SF3A1: variants seen among roughly 807,000 people sequenced by gnomAD.
The protein encoded by SF3A1 is splicing factor 3a subunit 1.
In SF3A1, 13 loss-of-function variants were observed where a neutral mutation model predicts 89.9. The ratio of observed to expected loss-of-function variants is 0.14; its 90% CI spans 0.09 to 0.23. The LOEUF (loss-of-function observed/expected upper bound fraction) is 0.23. Ranked by LOEUF, SF3A1 falls within the 10% of genes least tolerant of loss-of-function variation. SF3A1 has a pLI of 1.00. For missense variants in SF3A1, 604 were observed against 1,022.1 expected (o/e 0.59, Z 5.58); for synonymous variants, 405 against 374.4 (o/e 1.08, Z -0.94).
intron 9 of SF3A1, among the ~76,000 whole-genome samples, chr22:30,339,577 G>A (rs548774124): frequency 1.2e-3 from 182 of 152,238 alleles, no homozygotes; most frequent in Middle Eastern, 3.4e-3. Context: ...CCAACATAGC[G>A]AAACCCCGTC....
In SF3A1 at chr22:30,342,252, G is replaced by A; in HGVS notation, c.825C>T (p.Asp275=). 6.2e-7 allele frequency: 1 copy of A among 1,614,202 alleles called. No homozygotes were observed. The highest frequency in any genetic ancestry group is 8.5e-7 in the Non-Finnish European group (1 of 1,180,046). The stretch of plus-strand genomic sequence containing the variant: ...TTTCCACCACCACAAAATCATGCCA[G>A]TCGATCTGAGCATAGGCCACCCGCT... ...EKERVAYAQI[D]WHDFVVVETV... Residue 275 remains aspartate, a synonymous_variant, in exon 6 of 16, where the codon GAC becomes GAT. Coordinates refer to ENST00000215793, the MANE Select transcript of SF3A1 (RefSeq NM_005877.6).
In SF3A1 at chr22:30,342,871, A is replaced by G; in HGVS notation, c.660T>C (p.Ile220=). 1.2e-6 allele frequency: 2 copies of G among 1,610,864 alleles called. No individual in the cohort carries two copies. Among genetic ancestry groups the G allele is most frequent in the Non-Finnish European group, 1.7e-6 (2 of 1,177,546 alleles). Reference sequence around the variant, plus strand: ...GCTTTGAAAATAAACCTTTGGGTGGAATCAAGATCTGAAATACAGAAGAGT... The same window carrying G: ...GCTTTGAAAATAAACCTTTGGGTGGGATCAAGATCTGAAATACAGAAGAGT... ...KLVEQYTKIL[I]PPKGLFSKLK... The change falls in exon 5 of 16, where the codon ATT becomes ATC. Residue 220 remains isoleucine, a synonymous_variant. Transcript: ENST00000215793.
chr22:30,337,620 G>A, intron 12 of SF3A1, 70 bp downstream of exon 12: 1 of 797,872 alleles, frequency 1.3e-6, no homozygotes. Context: ...ATCAGCCACT[G>A]CTCTGCTGAC....
intron 1 of SF3A1, among the ~76,000 whole-genome samples, chr22:30,354,575 C>A (rs1021853013): frequency 5.3e-5 from 8 of 152,132 alleles, no homozygotes; most frequent in Non-Finnish European, 8.8e-5. Flanking sequence ...CTTCCCCTTC[C>A]GCCTCTAGAC....
rs891943669 is a variant in SF3A1 at position 30,333,754 on chromosome 22, G to A, written c.*840C>T. 2.0e-5 allele frequency: 3 copies of A among 152,228 alleles called. No individual in the cohort carries two copies. Among genetic ancestry groups the A allele is most frequent in the Non-Finnish European group, 2.9e-5 (2 of 68,048 alleles). 9.4% of individuals were successfully genotyped at this position (152,228 alleles called of 1,614,324 possible). On this transcript the variant is annotated 3_prime_UTR_variant, in exon 16 of 16. Transcript: ENST00000215793. ...AAACTTTATCAAATCCTTGGTACAT[G>A]ACCTTAATACAATTAAGTATTTGTT...
At chr22:30,349,666 C>CTTTT (rs58624811) in intron 2 of SF3A1, among the ~76,000 whole-genome samples, 1 of 138,940 alleles carries the variant, frequency 7.2e-6, no homozygotes, top group Non-Finnish European at 1.6e-5. Context: ...TTTTTTCTTT[C>CTTTT]TTTTTTTTTT....
At chr22:30,334,820 G>C (rs1404333532) in intron 15 of SF3A1, 125 bp from the exon 16 acceptor site, 4 of 646,598 alleles carry the variant, frequency 6.2e-6, no homozygotes, top group Non-Finnish European at 1.1e-5. Flanking sequence ...CTTGTGAGAA[G>C]GTAGGGTGTT....
chr22:30,355,905 T>C (rs748216042), intron 1 of SF3A1, among the ~76,000 whole-genome samples: 2 of 146,704 alleles, frequency 1.4e-5, no homozygotes, highest in Non-Finnish European at 3.0e-5. Flanking sequence ...AGGATGCTAT[T>C]TCCCTTCCCT....
At chr22:30,347,509 G>A (rs1931456286) in intron 2 of SF3A1, among the ~76,000 whole-genome samples, 1 of 152,078 alleles carries the variant, frequency 6.6e-6, no homozygotes, top group Admixed American at 6.5e-5. Flanking sequence ...ACCTGGGATG[G>A]TTCCCCAGAT....
At chr22:30,351,681 G>A (rs976864605) in intron 2 of SF3A1, among the ~76,000 whole-genome samples, 5 of 152,054 alleles carry the variant, frequency 3.3e-5, no homozygotes, top group African/African-American at 1.2e-4. Flanking sequence ...TTTATTTTTT[G>A]TAGACAGGGT....
rs534545694 is a variant in SF3A1 at position 30,349,827 on chromosome 22, A to T, written c.185+3124T>A. Among the ~76,000 whole-genome samples, 9 of 151,606 alleles carry T rather than the reference A, an allele frequency of 5.9e-5. No individual in the cohort carries two copies. The East Asian group carries it at 1.8e-3, about 30-fold the overall frequency. ...CCCAGCTAATTTTTTTATTTTTTGTAGAGACAGGGGTCTCACTATATTGCC... is the reference window on the plus strand; with the variant it reads ...CCCAGCTAATTTTTTTATTTTTTGTTGAGACAGGGGTCTCACTATATTGCC... On this transcript the variant is annotated intron_variant, in intron 2 of 15. Transcript: ENST00000215793.
chr22:30,338,858 C>T lies in SF3A1; in HGVS notation c.1674G>A (p.Pro558=), dbSNP rs771207177. The part of the protein sequence containing the change: ...SKPNEIPQQP[P]PPSSATNIPS... ...GGATGTTGGTGGCTGAAGATGGTGG[C>T]GGTGGCTGTTGAGGGATTTCATTGG... The change falls in exon 11 of 16, where the codon CCG becomes CCA. Residue 558 remains proline, a synonymous_variant. Coordinates refer to ENST00000215793, the MANE Select transcript of SF3A1 (RefSeq NM_005877.6). 8.1e-6 allele frequency: 13 copies of T among 1,614,052 alleles called. No homozygotes were observed. The highest frequency in any genetic ancestry group is 4.0e-5 in the African/African-American group (3 of 74,914).
chr22:30,353,208 C>A, intron 1 of SF3A1, 136 bp from the exon 2 acceptor site: 1 of 1,132,128 alleles, frequency 8.8e-7, no homozygotes, highest in Admixed American at 2.7e-5. Flanking sequence ...CCCTCTACTT[C>A]AGAAAAGCAG....
At chr22:30,342,750 C>A (rs1266735937) in intron 5 of SF3A1, 55 bp downstream of exon 5, 14 of 1,159,026 alleles carry the variant, frequency 1.2e-5, no homozygotes, top group African/African-American at 4.6e-5. Flanking sequence ...TGTTTTCAGA[C>A]ATAAAACAGA....
At chr22:30,355,822 C>CCT (rs1931794920) in intron 1 of SF3A1, among the ~76,000 whole-genome samples, 1 of 114,372 alleles carries the variant, frequency 8.7e-6, no homozygotes, top group African/African-American at 3.3e-5. Context: ...TGTTCCCCCC[C>CCT]CCCGCCCCCC....
chr22:30,345,192 T>C lies in SF3A1; in HGVS notation c.394-2A>G. On this transcript the variant is annotated splice_acceptor_variant, in intron 3 of 15. Transcript: ENST00000215793. LOFTEE classifies it high-confidence loss of function. ...CTCTTGGATTACTTGGGCTTGGACC[T>C]AAGATGCAAAGGGAGTATGAGGCGA... 6.2e-7 allele frequency: 1 copy of C among 1,611,808 alleles called. No individual in the cohort carries two copies. Among genetic ancestry groups the C allele is most frequent in the Non-Finnish European group, 8.5e-7 (1 of 1,178,330 alleles).
intron 9 of SF3A1, among the ~76,000 whole-genome samples, chr22:30,339,669 C>T (rs181530722): frequency 6.6e-6 from 1 of 152,146 alleles, no homozygotes. Context: ...GGCAGAAGAA[C>T]TGCTTGAACG....
intron 15 of SF3A1, 54 bp downstream of exon 15, chr22:30,335,413 T>G: frequency 6.8e-7 from 1 of 1,465,076 alleles, no homozygotes; most frequent in Non-Finnish European, 9.6e-7. Context: ...TTAGCTTCTG[T>G]GAAAGCAGAG....
At chr22:30,348,838 C>T (rs956619016) in intron 2 of SF3A1, among the ~76,000 whole-genome samples, 1 of 152,186 alleles carries the variant, frequency 6.6e-6, no homozygotes, top group African/African-American at 2.4e-5. Flanking sequence ...GAAAAAGGGG[C>T]CCTGGTTGTC....
Sources: allele counts gnomAD v4.1 joint callset (sites outside exome capture counted in the v4.1 genomes callset), GRCh38; gene constraint gnomAD v4.1.1; transcripts MANE v1.5; gene names NCBI Gene and HGNC (gene_info 2026-07-23, HGNC 2026-07-21).